TNFAIP8: variants seen among roughly 807,000 people sequenced by gnomAD.
TNFAIP8 encodes the protein tumor necrosis factor alpha-induced protein 8.
In TNFAIP8, 7 loss-of-function variants were observed where a neutral mutation model predicts 13.3. The ratio of observed to expected loss-of-function variants is 0.52; its 90% CI spans 0.30 to 0.99. The LOEUF (loss-of-function observed/expected upper bound fraction) is 0.99. Ranked by LOEUF, TNFAIP8 falls within the 50% of genes least tolerant of loss-of-function variation. The probability of loss-of-function intolerance (pLI) is 0.07; values close to 1 mark genes in which losing one functional copy is unlikely to be tolerated. For synonymous variants in TNFAIP8, 94 were observed against 87.6 expected (o/e 1.07, Z -0.41); for missense variants, 258 against 236.9 (o/e 1.09, Z -0.58).
chr5:119,322,139 G>T (rs1258794118), intron 1 of TNFAIP8, among the ~76,000 whole-genome samples: 1 of 152,082 alleles, frequency 6.6e-6, no homozygotes, highest in African/African-American at 2.4e-5. Context: ...TATCCAAAAT[G>T]CTCCTCTCTC....
rs1580458685 is a variant in TNFAIP8 at position 119,398,306 on chromosome 5, G to A, written c.*4925G>A. ...AGACAATTTGATTTTTAAAAGTTTT[G>A]ATTTGTAGAATAATGTAAGACAATA... is the stretch of plus-strand genomic sequence containing the variant. On this transcript the variant is annotated 3_prime_UTR_variant, in exon 2 of 2. Transcript: ENST00000504771. The A allele has an allele frequency of 6.6e-6, 1 of 152,276 alleles. No homozygotes were observed. 9.4% of individuals were successfully genotyped at this position (152,276 alleles called of 1,614,324 possible).
At chr5:119,276,086 G>A (rs112606174) in intron 1 of TNFAIP8, among the ~76,000 whole-genome samples, 3 of 151,544 alleles carry the variant, frequency 2.0e-5, no homozygotes, top group African/African-American at 4.8e-5. Flanking sequence ...TGAATTTTAC[G>A]CTTTAATCAG....
intron 1 of TNFAIP8, among the ~76,000 whole-genome samples, chr5:119,342,518 T>A (rs575672181): frequency 2.6e-4 from 40 of 152,202 alleles, no homozygotes; most frequent in Non-Finnish European, 4.7e-4. Flanking sequence ...TGCAGGGTTT[T>A]TTTTTGATAA....
At chr5:119,300,836 A>G (rs1316776703) in intron 1 of TNFAIP8, among the ~76,000 whole-genome samples, 1 of 152,134 alleles carries the variant, frequency 6.6e-6, no homozygotes, top group Non-Finnish European at 1.5e-5. Flanking sequence ...CCTATGTGTT[A>G]TGCTTTCTTT....
At chr5:119,292,367 C>G (rs1471964000) in intron 1 of TNFAIP8, among the ~76,000 whole-genome samples, 1 of 151,796 alleles carries the variant, frequency 6.6e-6, no homozygotes, top group Non-Finnish European at 1.5e-5. Flanking sequence ...TTCTCTGTCA[C>G]CAATGAACTG....
At chr5:119,310,520 G>C (rs1174443410) in intron 1 of TNFAIP8, among the ~76,000 whole-genome samples, 2 of 152,198 alleles carry the variant, frequency 1.3e-5, no homozygotes, top group Non-Finnish European at 2.9e-5. Context: ...CTGGGCCAAA[G>C]CCTAGTCCTG....
intron 1 of TNFAIP8, among the ~76,000 whole-genome samples, chr5:119,373,336 A>C (rs141240155): frequency 6.6e-6 from 1 of 152,354 alleles, no homozygotes; most frequent in East Asian, 1.9e-4. Context: ...TAGGCACTTC[A>C]TGTACTAAGA....
At chr5:119,374,788 C>T (rs1752219695) in intron 1 of TNFAIP8, among the ~76,000 whole-genome samples, 3 of 152,272 alleles carry the variant, frequency 2.0e-5, no homozygotes, top group African/African-American at 7.2e-5. Context: ...CCACTCTCCT[C>T]CCTCAGTATT....
rs187440708 is a variant in TNFAIP8, at chr5:119,311,660, G to C, written c.1+42753G>C. Among the ~76,000 whole-genome samples the C allele has an allele frequency of 2.2e-3, 308 of 137,202 alleles. 1 individual carries two copies. The highest frequency in any genetic ancestry group is 8.0e-3 in the African/African-American group (286 of 35,606). The allele number at this position is 137,202 out of a possible 152,430, so 90.0% of individuals were successfully genotyped here. ...GCCAAAATTGCGCCACTGCACTCCA[G>C]CCTGGGTGACAGAGTGAGACTCCGT... On this transcript the variant is annotated intron_variant, in intron 1 of 1. Coordinates refer to the TNFAIP8 transcript ENST00000274456.
In TNFAIP8 at chr5:119,393,445, A is replaced by C. The variant is rs935173497; in HGVS notation, c.*64A>C. On this transcript the variant is annotated 3_prime_UTR_variant, in exon 2 of 2. Coordinates refer to ENST00000504771, the MANE Select transcript of TNFAIP8 (RefSeq NM_014350.4). ...GAAGATGGAGCACTGCTGATTTATG[A>C]AGGAAAAAAGAAGAATTTTCTAAAG... 2.3e-5 allele frequency: 32 copies of C among 1,417,576 alleles called. No homozygotes were observed. Among genetic ancestry groups the C allele is most frequent in the Middle Eastern group, 2.1e-4 (1 of 4,704 alleles). 87.8% of individuals were successfully genotyped at this position (1,417,576 alleles called of 1,614,324 possible). A position where few individuals can be genotyped will look rare whatever the true frequency, so the allele number is the denominator to read the frequency against.
chr5:119,318,082 AATTAATTATAGTCAAAC>A (rs1306539880), intron 1 of TNFAIP8, among the ~76,000 whole-genome samples: 6 of 152,218 alleles, frequency 3.9e-5, no homozygotes, highest in Non-Finnish European at 5.9e-5. Context: ...TAATTATATT[AATTAATTATAGTCAAAC>A]ATTAATTATA....
intron 1 of TNFAIP8, among the ~76,000 whole-genome samples, chr5:119,280,383 AG>A (rs1748592535): frequency 6.8e-6 from 1 of 146,960 alleles, no homozygotes. Context: ...CCCCTCTACC[AG>A]AGTCTCCTTC....
chr5:119,393,331 C>G lies in TNFAIP8; in HGVS notation c.547C>G (p.Gln183Glu), dbSNP rs755234272. The G allele has an allele frequency of 6.2e-7, 1 of 1,613,896 alleles. No homozygotes were observed. The highest frequency in any genetic ancestry group is 8.5e-7 in the Non-Finnish European group (1 of 1,179,850). Residue 183 changes from glutamine (Q) to glutamate (E), a missense_variant, in exon 2 of 2, where the codon CAA (glutamine) becomes GAA (glutamate). Physicochemically the swap from Gln to Glu is conservative, Grantham distance 29 (BLOSUM62 2). Coordinates refer to ENST00000504771, the MANE Select transcript of TNFAIP8 (RefSeq NM_014350.4). ...TTTTGGGAATTTTAAACCCCACTTA[C>G]AAAAACTATGTGATGGTATCAACAA... is the stretch of plus-strand genomic sequence containing the variant. ...NPFGNFKPHLQKLCDGINKML... is the reference protein window; with the variant it reads ...NPFGNFKPHLEKLCDGINKML...
chr5:119,310,074 G>C (rs1749683631), intron 1 of TNFAIP8, among the ~76,000 whole-genome samples: 1 of 152,144 alleles, frequency 6.6e-6, no homozygotes. Context: ...GTCCATCTTT[G>C]ATTTCTTTTA....
intron 1 of TNFAIP8, among the ~76,000 whole-genome samples, chr5:119,312,745 C>CAAAAAAAAAAAAAAAAAAAAAAAA (rs869226026): frequency 2.3e-5 from 1 of 43,358 alleles, no homozygotes; most frequent in African/African-American, 8.2e-5. Flanking sequence ...GCAAAAAATA[C>CAAAAAAAAAAAAAAAAAAAAAAAA]AAAAAAAAAA....
intron 1 of TNFAIP8, among the ~76,000 whole-genome samples, chr5:119,346,539 G>A (rs935458639): frequency 6.6e-6 from 1 of 152,148 alleles, no homozygotes; most frequent in African/African-American, 2.4e-5. Flanking sequence ...TAAACTTATT[G>A]CAGTTCCTCA....
intron 1 of TNFAIP8, among the ~76,000 whole-genome samples, chr5:119,377,572 C>A (rs141885043): frequency 2.0e-5 from 3 of 151,950 alleles, no homozygotes; most frequent in Admixed American, 2.0e-4. Flanking sequence ...AATTTACCAC[C>A]GCTCTGTGAC....
At chr5:119,286,389 A>G (rs1302651287) in intron 1 of TNFAIP8, among the ~76,000 whole-genome samples, 1 of 152,188 alleles carries the variant, frequency 6.6e-6, no homozygotes, top group Non-Finnish European at 1.5e-5. Context: ...TTGGAGGCCG[A>G]GGTGGGTGGA....
chr5:119,369,624 C>T (rs550504830), intron 1 of TNFAIP8, among the ~76,000 whole-genome samples: 4 of 152,190 alleles, frequency 2.6e-5, no homozygotes, highest in Admixed American at 2.6e-4. Context: ...ATTTTTTGTG[C>T]CTCTGGCCTC....
Sources: gnomAD v4.1 joint callset for allele counts (sites outside exome capture counted in the v4.1 genomes callset) on GRCh38, gnomAD v4.1.1 for gene constraint, MANE v1.5 for transcripts, NCBI Gene and HGNC (gene_info 2026-07-23, HGNC 2026-07-21) for gene names.